The following SNTB2 variants were observed in gnomAD, a reference collection of about 807,000 sequenced individuals.
The protein encoded by SNTB2 is syntrophin beta 2.
A neutral mutation model predicts 46.2 loss-of-function variants in SNTB2; 34 were observed. That is an observed-to-expected ratio of 0.74 (90% CI 0.56 to 0.98). The LOEUF is 0.98. Among genes scored for constraint, SNTB2 ranks in the 50% least tolerant of loss-of-function variants. SNTB2 has a pLI of 0.00. For missense variants in SNTB2, 603 were observed against 731.4 expected, an observed-to-expected ratio of 0.82 and a Z score of 2.02; for synonymous variants, 290 against 312.6, an observed-to-expected ratio of 0.93 and a Z score of 0.76.
intron 2 of SNTB2, among the ~76,000 whole-genome samples, chr16:69,248,003 GT>G (rs1964686800): frequency 3.3e-5 from 5 of 152,130 alleles, no homozygotes; most frequent in Non-Finnish European, 5.9e-5. Flanking sequence ...TGCACCTGTA[GT>G]CCTAGCTACT....
chr16:69,275,547 G>A (rs1013618392), intron 4 of SNTB2, among the ~76,000 whole-genome samples: 1 of 152,176 alleles, frequency 6.6e-6, no homozygotes, highest in Non-Finnish European at 1.5e-5. Flanking sequence ...GGGGCTTAAT[G>A]ATCCTCTACC....
At chr16:69,237,662 G>C (rs1008006154) in intron 1 of SNTB2, among the ~76,000 whole-genome samples, 2 of 146,806 alleles carry the variant, frequency 1.4e-5, no homozygotes, top group Admixed American at 6.8e-5. Context: ...GAGTGCAATG[G>C]TGCGATCTTG....
intron 3 of SNTB2, among the ~76,000 whole-genome samples, chr16:69,261,935 G>A (rs531897711): frequency 1.3e-5 from 2 of 152,286 alleles, no homozygotes; most frequent in African/African-American, 2.4e-5. Context: ...GAGGCAGGGT[G>A]TGGTGGCTCA....
intron 5 of SNTB2, among the ~76,000 whole-genome samples, chr16:69,292,390 T>TTATATATATA (rs1233537704): frequency 2.4e-4 from 3 of 12,764 alleles, no homozygotes; most frequent in African/African-American, 5.4e-4. Flanking sequence ...TATATATATA[T>TTATATATATA]TATATATATA....
chr16:69,305,316 C>T lies in SNTB2; in HGVS notation c.*4392C>T, dbSNP rs984364948. The T allele has an allele frequency of 6.6e-6, 1 of 152,504 alleles. No homozygotes were observed. The highest frequency in any genetic ancestry group is 2.1e-4 in the South Asian group (1 of 4,834). The allele number at this position is 152,504 out of a possible 1,614,324, so 9.4% of individuals were successfully genotyped here. On this transcript the variant is annotated 3_prime_UTR_variant, in exon 7 of 7. Transcript: ENST00000336278. Reference sequence around the variant, plus strand: ...CCTGTAGACTCAAGCACTTTCTCTGCTTTTTTGTATCTTATCTTGGACACT... The same window carrying T: ...CCTGTAGACTCAAGCACTTTCTCTGTTTTTTTGTATCTTATCTTGGACACT...
At chr16:69,210,635 C>T (rs763390327) in intron 1 of SNTB2, among the ~76,000 whole-genome samples, 1 of 151,980 alleles carries the variant, frequency 6.6e-6, no homozygotes, top group Admixed American at 6.6e-5. Flanking sequence ...GATCCTCCCA[C>T]CTCAGCCTCC....
intron 1 of SNTB2, among the ~76,000 whole-genome samples, chr16:69,243,252 G>T (rs913500233): frequency 1.3e-5 from 2 of 152,104 alleles, no homozygotes; most frequent in Non-Finnish European, 2.9e-5. Context: ...ACGTGTCCAG[G>T]TTAAGGCCTT....
At chr16:69,285,594 T>C (rs1196315743) in intron 5 of SNTB2, among the ~76,000 whole-genome samples, 1 of 149,834 alleles carries the variant, frequency 6.7e-6, no homozygotes, top group Non-Finnish European at 1.5e-5. Flanking sequence ...TGATCCTCCC[T>C]CAAGCCTCCC....
chr16:69,298,527 T>C (rs1965248256), intron 5 of SNTB2, among the ~76,000 whole-genome samples: 1 of 140,406 alleles, frequency 7.1e-6, no homozygotes, highest in Admixed American at 7.1e-5. Context: ...TTTTTTTTTT[T>C]TTTTTTTTTT....
intron 1 of SNTB2, among the ~76,000 whole-genome samples, chr16:69,234,011 C>T (rs1171610661): frequency 1.3e-5 from 2 of 151,636 alleles, no homozygotes; most frequent in East Asian, 3.9e-4. Context: ...CAAAGTGAGA[C>T]TCTGTCTCTT....
chr16:69,187,468 G>A lies in SNTB2; in HGVS notation c.302G>A (p.Arg101Gln), dbSNP rs1351877286. 3 of 1,200,110 alleles carry A rather than the reference G, an allele frequency of 2.5e-6. No homozygotes were observed. Among genetic ancestry groups the A allele is most frequent in the African/African-American group, 3.2e-5 (2 of 62,522 alleles). 74.3% of individuals were successfully genotyped at this position (1,200,110 alleles called of 1,614,324 possible). ...LGPPSPPAPP[R>Q]GPAGEAGASP... ...CCCCCGAGCCCGCCGGCGCCGCCTC[G>A]GGGCCCCGCGGGTGAGGCGGGCGCG... Residue 101 changes from arginine (R) to glutamine (Q), a missense_variant, in exon 1 of 7, where the codon CGG (arginine) becomes CAG (glutamine). This residue lies in a region of SNTB2 where 537 missense variants were observed against 692.4 expected (regional missense o/e 0.78). Coordinates refer to ENST00000336278, the MANE Select transcript of SNTB2 (RefSeq NM_006750.4).
rs1169029541 is a variant in SNTB2, at chr16:69,275,973, G to C, written c.1148+5688G>C. 2.6e-5 allele frequency among the ~76,000 whole-genome samples: 4 copies of C among 152,226 alleles called. No individual in the cohort carries two copies. In the East Asian group the frequency reaches 7.7e-4, roughly 29 times the overall value. ...CATTTACAGATTCTTCAAAACCAAA[G>C]CTCTGTACGTGTGTGGGTTTTAATA... is the stretch of plus-strand genomic sequence containing the variant. On this transcript the variant is annotated intron_variant, in intron 4 of 6. Transcript: ENST00000336278.
At chr16:69,232,797 A>G (rs1964521341) in intron 1 of SNTB2, among the ~76,000 whole-genome samples, 2 of 152,098 alleles carry the variant, frequency 1.3e-5, no homozygotes, top group African/African-American at 4.8e-5. Context: ...GGTGTGAGCT[A>G]CTGCCCCCAG....
intron 1 of SNTB2, among the ~76,000 whole-genome samples, chr16:69,220,972 C>T (rs1964397997): frequency 6.6e-6 from 1 of 152,210 alleles, no homozygotes; most frequent in African/African-American, 2.4e-5. Context: ...CAGTCTCTAG[C>T]AACCACTACT....
At chr16:69,270,035 G>A (rs903775373) in intron 3 of SNTB2, 108 bp from the exon 4 acceptor site, 58 of 1,264,660 alleles carry the variant, frequency 4.6e-5, no homozygotes, top group Admixed American at 1.4e-4. Flanking sequence ...AGTCCATCAG[G>A]TTGGGAAAAC....
intron 1 of SNTB2, chr16:69,235,946 G>C: frequency 1.0e-6 from 1 of 971,658 alleles, no homozygotes; most frequent in East Asian, 6.6e-5. Flanking sequence ...ATCTTAGTAA[G>C]CTCCCATTAC....
At chr16:69,230,082 T>A (rs914200174) in intron 1 of SNTB2, among the ~76,000 whole-genome samples, 9 of 151,978 alleles carry the variant, frequency 5.9e-5, no homozygotes, top group Admixed American at 5.9e-4. Context: ...CCACTGCATC[T>A]GGCCCGATGG....
At chr16:69,198,966 G>A (rs956699250) in intron 1 of SNTB2, among the ~76,000 whole-genome samples, 3 of 146,982 alleles carry the variant, frequency 2.0e-5, no homozygotes, top group African/African-American at 7.6e-5. Context: ...GCACGATCTC[G>A]GCTCACTGCA....
At position 69,273,112 on chromosome 16, in the gene SNTB2, T is replaced by C. The variant is rs80031141; in HGVS notation, c.1148+2827T>C. The stretch of plus-strand genomic sequence containing the variant: ...AGTGTGAACAACGACGTGGAGAAAA[T>C]GGAATCTTCATACACTGCTGGTGAG... On this transcript the variant is annotated intron_variant, in intron 4 of 6. Transcript: ENST00000336278. Among the ~76,000 whole-genome samples, 949 of 152,132 alleles carry C rather than the reference T, an allele frequency of 6.2e-3. 6 individuals are homozygous for C. Among genetic ancestry groups the C allele is most frequent in the African/African-American group, 0.022 (918 of 41,496 alleles).
Sources: gnomAD v4.1 joint callset for allele counts (sites outside exome capture counted in the v4.1 genomes callset) on GRCh38, gnomAD v4.1.1 for gene constraint, gnomAD v4.1.1 regional missense constraint, MANE v1.5 for transcripts, NCBI Gene and HGNC (gene_info 2026-07-23, HGNC 2026-07-21) for gene names.